Variants in RSRC1 observed in about 807,000 individuals in gnomAD.
The protein encoded by RSRC1 is arginine and serine rich coiled-coil 1, also known as serine/Arginine-related protein 53.
A neutral mutation model predicts 49.1 loss-of-function variants in RSRC1; 39 were observed. The observed-to-expected ratio is 0.79, with a 90% CI of 0.61 to 1.04. RSRC1 has a LOEUF of 1.04. RSRC1 is among the 50% of genes least tolerant of loss of function. The pLI is 0.00. For missense variants in RSRC1, 388 were observed against 402.4 expected, an observed-to-expected ratio of 0.96 and a Z score of 0.31; for synonymous variants, 143 against 130.8, an observed-to-expected ratio of 1.09 and a Z score of -0.63.
At chr3:158,400,588 C>T (rs1204840406) in intron 6 of RSRC1, among the ~76,000 whole-genome samples, 6 of 151,946 alleles carry the variant, frequency 3.9e-5, no homozygotes, top group Admixed American at 3.9e-4. Context: ...GATCTTGACA[C>T]TGTGTAGGCC....
chr3:158,473,520 A>G (rs970888239), intron 7 of RSRC1, among the ~76,000 whole-genome samples: 1 of 151,782 alleles, frequency 6.6e-6, no homozygotes, highest in Non-Finnish European at 1.5e-5. Context: ...TTGTGGGGTG[A>G]GGGCAGGGGG....
chr3:158,383,508 A>G (rs1732815650), intron 6 of RSRC1, among the ~76,000 whole-genome samples: 2 of 152,024 alleles, frequency 1.3e-5, no homozygotes, highest in Admixed American at 1.3e-4. Context: ...ACAAGGGAAA[A>G]TATCTATCAA....
At chr3:158,384,637 A>G (rs1221983581) in intron 6 of RSRC1, among the ~76,000 whole-genome samples, 2 of 152,166 alleles carry the variant, frequency 1.3e-5, no homozygotes, top group Non-Finnish European at 2.9e-5. Context: ...GAGATCAGCT[A>G]TAGAGCATTT....
chr3:158,229,479 CACAA>C (rs1319745292), intron 4 of RSRC1, among the ~76,000 whole-genome samples: 1 of 149,532 alleles, frequency 6.7e-6, no homozygotes, highest in Non-Finnish European at 1.5e-5. Context: ...TAATTATATT[CACAA>C]ACACACATTT....
At chr3:158,389,498 G>T (rs1225827208) in intron 6 of RSRC1, among the ~76,000 whole-genome samples, 1 of 152,174 alleles carries the variant, frequency 6.6e-6, no homozygotes, top group Non-Finnish European at 1.5e-5. Context: ...ATGTAATAGA[G>T]ATCAGTGCAG....
At chr3:158,391,250 C>T (rs1377499498) in intron 6 of RSRC1, among the ~76,000 whole-genome samples, 2 of 151,884 alleles carry the variant, frequency 1.3e-5, no homozygotes, top group African/African-American at 2.4e-5. Flanking sequence ...TTAACCTTTC[C>T]TCATCTATCT....
At chr3:158,352,253 C>G (rs773161763) in intron 5 of RSRC1, among the ~76,000 whole-genome samples, 1 of 151,956 alleles carries the variant, frequency 6.6e-6, no homozygotes, top group Non-Finnish European at 1.5e-5. Flanking sequence ...GCCTAGGCAA[C>G]AGAGTGAGAC....
chr3:158,190,743 A>G (rs1342829702), intron 3 of RSRC1, among the ~76,000 whole-genome samples: 1 of 150,294 alleles, frequency 6.7e-6, no homozygotes, highest in African/African-American at 2.4e-5. Context: ...AATTTTGATT[A>G]TTTCTGTTGC....
chr3:158,396,028 T>C (rs1459036836), intron 6 of RSRC1, among the ~76,000 whole-genome samples: 1 of 152,098 alleles, frequency 6.6e-6, no homozygotes, highest in African/African-American at 2.4e-5. Flanking sequence ...GATCATGGCC[T>C]TTAGAGCAAC....
At chr3:158,120,592 A>T (rs1715184729) in intron 1 of RSRC1, among the ~76,000 whole-genome samples, 1 of 147,218 alleles carries the variant, frequency 6.8e-6, no homozygotes. Flanking sequence ...GTTAATATTA[A>T]GTATTATATA....
chr3:158,382,585 C>T (rs767623252), intron 6 of RSRC1, among the ~76,000 whole-genome samples: 9 of 152,104 alleles, frequency 5.9e-5, no homozygotes, highest in Admixed American at 1.3e-4. Flanking sequence ...TGGCCAGCTA[C>T]CCCCTACCCC....
intron 5 of RSRC1, among the ~76,000 whole-genome samples, chr3:158,323,830 T>A (rs1403390910): frequency 6.6e-6 from 1 of 152,200 alleles, no homozygotes; most frequent in Non-Finnish European, 1.5e-5. Flanking sequence ...AGAGAATGGG[T>A]CTCCTTATCT....
intron 5 of RSRC1, among the ~76,000 whole-genome samples, chr3:158,350,263 C>T (rs548111386): frequency 6.7e-6 from 1 of 149,060 alleles, no homozygotes; most frequent in Admixed American, 6.8e-5. Flanking sequence ...CTGCAGTCTT[C>T]ACCTCCCAGG....
intron 3 of RSRC1, among the ~76,000 whole-genome samples, chr3:158,199,099 G>A (rs974738188): frequency 6.6e-6 from 1 of 152,138 alleles, no homozygotes; most frequent in Non-Finnish European, 1.5e-5. Flanking sequence ...TCATGATAGT[G>A]ATTGGGTCTC....
chr3:158,199,567 C>T (rs1720902517), intron 3 of RSRC1, among the ~76,000 whole-genome samples: 1 of 151,974 alleles, frequency 6.6e-6, no homozygotes, highest in Admixed American at 6.6e-5. Flanking sequence ...TAGTGCTTTG[C>T]TCTTCATTTT....
At chr3:158,252,474 G>A (rs188705517) in intron 4 of RSRC1, among the ~76,000 whole-genome samples, 24 of 152,220 alleles carry the variant, frequency 1.6e-4, no homozygotes, top group Admixed American at 5.9e-4. Context: ...CGATGAATGT[G>A]TTCTTGAATT....
intron 6 of RSRC1, among the ~76,000 whole-genome samples, chr3:158,456,079 C>T (rs1004912134): frequency 6.7e-6 from 1 of 148,176 alleles, no homozygotes; most frequent in Admixed American, 6.8e-5. Flanking sequence ...GGAAACATTC[C>T]TTGAACACCT....
intron 4 of RSRC1, among the ~76,000 whole-genome samples, chr3:158,277,392 A>C (rs1725876586): frequency 6.6e-6 from 1 of 152,178 alleles, no homozygotes; most frequent in African/African-American, 2.4e-5. Flanking sequence ...CTTGAAAGGC[A>C]TTTATAAAAT....
intron 3 of RSRC1, among the ~76,000 whole-genome samples, chr3:158,200,748 T>C (rs1324617855): frequency 6.6e-6 from 1 of 152,176 alleles, no homozygotes; most frequent in African/African-American, 2.4e-5. Context: ...ATGTGAAATA[T>C]AGGAACCTTT....
Sources: gnomAD v4.1 joint callset for allele counts (sites outside exome capture counted in the v4.1 genomes callset) on GRCh38, gnomAD v4.1.1 for gene constraint, MANE v1.5 for transcripts, NCBI Gene and HGNC (gene_info 2026-07-23, HGNC 2026-07-21) for gene names.